The following WWOX variants were observed in gnomAD, a reference collection of about 807,000 sequenced individuals.
WWOX encodes the protein WW domain-containing oxidoreductase.
In WWOX, 69 loss-of-function variants were observed where a neutral mutation model predicts 46.2. The observed-to-expected ratio is 1.49, with a 90% CI of 1.23 to 1.82. WWOX has a LOEUF of 1.82. WWOX is among the 40% of genes most tolerant of loss of function. The pLI is 0.00. For synonymous variants in WWOX, 359 were observed against 202.6 expected (o/e 1.77, Z -6.56); for missense variants, 919 against 542.6 (o/e 1.69, Z -6.89).
intron 5 of WWOX, among the ~76,000 whole-genome samples, chr16:78,210,769 C>T (rs2036535482): frequency 6.6e-6 from 1 of 152,176 alleles, no homozygotes; most frequent in Non-Finnish European, 1.5e-5. Context: ...CTCTAATATC[C>T]ATTTAAAAAT....
At chr16:78,726,526 A>G (rs992838623) in intron 8 of WWOX, among the ~76,000 whole-genome samples, 1 of 151,522 alleles carries the variant, frequency 6.6e-6, no homozygotes, top group African/African-American at 2.4e-5. Context: ...GAACCACTGC[A>G]CCCAGCCTAT....
chr16:79,197,720 C>A (rs1159146852), intron 8 of WWOX, among the ~76,000 whole-genome samples: 1 of 151,944 alleles, frequency 6.6e-6, no homozygotes, highest in African/African-American at 2.4e-5. Context: ...TTATTTGTTC[C>A]CAATGTTTGC....
At chr16:79,019,187 A>AG (rs141398678) in intron 8 of WWOX, among the ~76,000 whole-genome samples, 3 of 81,828 alleles carry the variant, frequency 3.7e-5, no homozygotes, top group Admixed American at 1.5e-4. Flanking sequence ...AAAAAAAAAG[A>AG]AAAAAAAAAG....
At chr16:78,478,235 A>C (rs2084399803) in intron 8 of WWOX, among the ~76,000 whole-genome samples, 2 of 152,220 alleles carry the variant, frequency 1.3e-5, no homozygotes, top group South Asian at 4.1e-4. Flanking sequence ...GGCTGTTACA[A>C]AATACTGTAT....
At chr16:79,087,792 C>T (rs1471658728) in intron 8 of WWOX, among the ~76,000 whole-genome samples, 2 of 152,098 alleles carry the variant, frequency 1.3e-5, no homozygotes, top group Admixed American at 6.5e-5. Context: ...CTCTTGGTTG[C>T]GAGGAAATCA....
chr16:78,945,928 C>G (rs896122942), intron 8 of WWOX, among the ~76,000 whole-genome samples: 2 of 152,042 alleles, frequency 1.3e-5, no homozygotes, highest in African/African-American at 4.8e-5. Flanking sequence ...TTCATCTCAC[C>G]ACGTAGTCAT....
intron 8 of WWOX, among the ~76,000 whole-genome samples, chr16:78,738,763 A>G (rs2049147517): frequency 6.6e-6 from 1 of 152,128 alleles, no homozygotes; most frequent in South Asian, 2.1e-4. Flanking sequence ...AGCTGGTTAG[A>G]CCAGGGCTGT....
chr16:78,124,576 G>A (rs890048615), intron 4 of WWOX, among the ~76,000 whole-genome samples: 2 of 152,178 alleles, frequency 1.3e-5, no homozygotes, highest in Non-Finnish European at 2.9e-5. Context: ...CCAATAGCTC[G>A]CTTTTAGTTT....
intron 8 of WWOX, among the ~76,000 whole-genome samples, chr16:78,591,989 A>G (rs183275320): frequency 6.6e-5 from 10 of 152,316 alleles, no homozygotes; most frequent in Admixed American, 2.6e-4. Context: ...TCTTATTTCA[A>G]TAGATATCCA....
intron 8 of WWOX, among the ~76,000 whole-genome samples, chr16:78,633,907 T>G (rs922400545): frequency 2.0e-5 from 3 of 151,832 alleles, no homozygotes; most frequent in Admixed American, 6.6e-5. Context: ...TTTTTTTTTT[T>G]TTTTTTAGAT....
chr16:78,658,490 G>A (rs537671861), intron 8 of WWOX, among the ~76,000 whole-genome samples: 11 of 152,102 alleles, frequency 7.2e-5, no homozygotes, highest in Non-Finnish European at 1.5e-4. Flanking sequence ...TTCTCTCACA[G>A]TTTTGGAGGC....
At chr16:78,327,576 TCC>T (rs1178351461) in intron 5 of WWOX, among the ~76,000 whole-genome samples, 1 of 152,118 alleles carries the variant, frequency 6.6e-6, no homozygotes, top group African/African-American at 2.4e-5. Flanking sequence ...GTATTAGGAT[TCC>T]CTTCACTCCA....
intron 8 of WWOX, among the ~76,000 whole-genome samples, chr16:78,537,024 A>G (rs116777775): frequency 0.011 from 1,708 of 151,124 alleles, 39 homozygotes; most frequent in African/African-American, 0.04. Context: ...TCAAGCAATT[A>G]TCAGGCCTCA....
chr16:78,325,868 A>T (rs974725203), intron 5 of WWOX, among the ~76,000 whole-genome samples: 1 of 152,196 alleles, frequency 6.6e-6, no homozygotes, highest in Non-Finnish European at 1.5e-5. Context: ...AATGACAACA[A>T]TGATGATGAT....
chr16:78,755,644 C>A (rs550223007), intron 8 of WWOX, among the ~76,000 whole-genome samples: 2 of 152,300 alleles, frequency 1.3e-5, no homozygotes, highest in Non-Finnish European at 2.9e-5. Flanking sequence ...AGGAACATCA[C>A]CTGCCTTGGT....
intron 8 of WWOX, among the ~76,000 whole-genome samples, chr16:79,109,747 A>C (rs1381847753): frequency 6.6e-6 from 1 of 152,224 alleles, no homozygotes; most frequent in Non-Finnish European, 1.5e-5. Context: ...TCTAGAATCT[A>C]GAATTATCTG....
intron 8 of WWOX, among the ~76,000 whole-genome samples, chr16:79,072,554 T>G (rs2048571385): frequency 6.6e-6 from 1 of 152,250 alleles, no homozygotes; most frequent in Non-Finnish European, 1.5e-5. Context: ...CATTTTGACA[T>G]GCTTTTCTGC....
intron 5 of WWOX, among the ~76,000 whole-genome samples, chr16:78,319,459 A>T (rs2080421173): frequency 6.6e-6 from 1 of 151,860 alleles, no homozygotes; most frequent in African/African-American, 2.4e-5. Context: ...GTGGGGTTTC[A>T]TCATGTTGCC....
At chr16:78,753,801 C>CAAAAAAAAAAAA (rs869066028) in intron 8 of WWOX, among the ~76,000 whole-genome samples, 1 of 29,136 alleles carries the variant, frequency 3.4e-5, no homozygotes, top group African/African-American at 1.4e-4. Context: ...GACCCTATAT[C>CAAAAAAAAAAAA]AAAAAAAAAA....
Sources: gnomAD v4.1 joint callset for allele counts (sites outside exome capture counted in the v4.1 genomes callset) on GRCh38, gnomAD v4.1.1 for gene constraint, MANE v1.5 for transcripts, NCBI Gene and HGNC (gene_info 2026-07-23, HGNC 2026-07-21) for gene names.